The following TENM4 variants were observed in gnomAD, a reference collection of about 807,000 sequenced individuals.
The protein encoded by TENM4 is teneurin transmembrane protein 4, also known as teneurin-4.
In TENM4, 82 loss-of-function variants were observed where a neutral mutation model predicts 243.3. The ratio of observed to expected loss-of-function variants is 0.34; its 90% CI spans 0.28 to 0.40. TENM4 has a LOEUF of 0.40. Ranked by LOEUF, TENM4 falls within the 10% of genes least tolerant of loss-of-function variation. The pLI is 1.00. For synonymous variants in TENM4, 1,412 were observed against 1,456.3 expected (o/e 0.97, Z 0.69); for missense variants, 3,138 against 3,673.3 (o/e 0.85, Z 3.77).
chr11:78,716,651 T>G (rs1859527403), intron 25 of TENM4, among the ~76,000 whole-genome samples: 1 of 152,210 alleles, frequency 6.6e-6, no homozygotes. Context: ...CTACCCATAA[T>G]GATTGAAGGG....
intron 2 of TENM4, among the ~76,000 whole-genome samples, chr11:79,239,408 C>G (rs1448413161): frequency 6.6e-6 from 1 of 152,160 alleles, no homozygotes; most frequent in South Asian, 2.1e-4. Context: ...ATTTAATCTT[C>G]CCAAGTATCT....
chr11:78,913,564 T>C (rs930109863), intron 6 of TENM4, among the ~76,000 whole-genome samples: 3 of 149,284 alleles, frequency 2.0e-5, no homozygotes, highest in African/African-American at 4.9e-5. Flanking sequence ...CAAGGAACCA[T>C]AGTTGATGGG....
chr11:78,880,928 G>T (rs1380233690), intron 9 of TENM4, among the ~76,000 whole-genome samples: 4 of 152,092 alleles, frequency 2.6e-5, no homozygotes, highest in African/African-American at 7.2e-5. Context: ...GACTTCAAAG[G>T]GGCATGAGGG....
intron 1 of TENM4, among the ~76,000 whole-genome samples, chr11:79,373,564 A>G (rs1026342679): frequency 7.2e-5 from 11 of 152,196 alleles, no homozygotes; most frequent in African/African-American, 2.2e-4. Context: ...CATTTCAAAG[A>G]GAAGGTGAGA....
chr11:79,055,624 C>T (rs1297822609), intron 6 of TENM4, among the ~76,000 whole-genome samples: 1 of 152,156 alleles, frequency 6.6e-6, no homozygotes, highest in Non-Finnish European at 1.5e-5. Context: ...AAAACACTGT[C>T]CTGCTCTTTC....
chr11:78,914,298 G>T (rs1193999281), intron 6 of TENM4, among the ~76,000 whole-genome samples: 2 of 152,114 alleles, frequency 1.3e-5, no homozygotes, highest in Non-Finnish European at 2.9e-5. Flanking sequence ...GGAATTTCTT[G>T]GAAAGAAGGA....
At chr11:78,707,013 T>A (rs1024461045) in intron 27 of TENM4, among the ~76,000 whole-genome samples, 1 of 152,068 alleles carries the variant, frequency 6.6e-6, no homozygotes, top group African/African-American at 2.4e-5. Flanking sequence ...GGAGGTGACA[T>A]GAGTGCTGGG....
At chr11:79,295,443 G>A (rs1428078292) in intron 2 of TENM4, among the ~76,000 whole-genome samples, 9 of 152,138 alleles carry the variant, frequency 5.9e-5, no homozygotes, top group Non-Finnish European at 1.0e-4. Context: ...AGTGACCCCC[G>A]CCCCGGGAAA....
At chr11:79,319,082 A>G (rs997336490) in intron 1 of TENM4, among the ~76,000 whole-genome samples, 2 of 152,224 alleles carry the variant, frequency 1.3e-5, no homozygotes, top group Non-Finnish European at 2.9e-5. Context: ...AGGCCCCATA[A>G]GGCAGATTGG....
intron 8 of TENM4, 67 bp downstream of exon 8, chr11:78,891,171 G>T: frequency 7.0e-7 from 1 of 1,428,890 alleles, no homozygotes. Context: ...AGGTCTCAGG[G>T]TCTGCATGCA....
chr11:79,420,800 C>G lies in TENM4; in HGVS notation c.-321+19709G>C, dbSNP rs559353230. Among the ~76,000 whole-genome samples the G allele has an allele frequency of 2.6e-5, 4 of 152,274 alleles. No individual in the cohort carries two copies. The South Asian group carries it at 6.2e-4, about 24-fold the overall frequency. ...GGAAAAAATATTTGAAACCTAGTCC[C>G]TGGAGCTGGGATGGGACAGAGGTAG... On this transcript the variant is annotated intron_variant, in intron 1 of 33. Coordinates refer to ENST00000278550, the MANE Select transcript of TENM4 (RefSeq NM_001098816.3).
chr11:78,856,053 G>T lies in TENM4; in HGVS notation c.1381C>A (p.Pro461Thr), dbSNP rs1384042670. 4 of 1,551,616 alleles carry T rather than the reference G, an allele frequency of 2.6e-6. No individual in the cohort carries two copies. In the African/African-American group the frequency reaches 4.1e-5, roughly 16 times the overall value. Residue 461 changes from proline to threonine, a missense_variant, in exon 11 of 34, where the codon CCT becomes ACT. Pro to Thr is a conservative substitution (Grantham distance 38). Transcript: ENST00000278550. ...GACACATTGAATTTCAGATGCACAGGATGGTCTATGAACACTTGAGATCTC... is the reference window on the plus strand; with the variant it reads ...GACACATTGAATTTCAGATGCACAGTATGGTCTATGAACACTTGAGATCTC... Reference protein sequence around the residue: ...FWRSQVFIDHPVHLKFNVSLG... With the variant: ...FWRSQVFIDHTVHLKFNVSLG...
At chr11:79,138,914 TATATTACATTTCC>T in intron 4 of TENM4, among the ~76,000 whole-genome samples, 2 of 106,394 alleles carry the variant, frequency 1.9e-5, no homozygotes, top group Non-Finnish European at 3.5e-5. Flanking sequence ...TCTATAAATA[TATATTACATTTCC>T]ATAAATATAT....
intron 6 of TENM4, among the ~76,000 whole-genome samples, chr11:78,974,585 G>T (rs1286694907): frequency 6.6e-6 from 1 of 152,196 alleles, no homozygotes; most frequent in Non-Finnish European, 1.5e-5. Flanking sequence ...GTCCTGTGCA[G>T]AGTAAATGCA....
At chr11:78,728,684 G>A (rs980593194) in intron 22 of TENM4, among the ~76,000 whole-genome samples, 7 of 152,138 alleles carry the variant, frequency 4.6e-5, no homozygotes, top group Admixed American at 4.6e-4. Context: ...GGTTCAAGAC[G>A]AGAAGGGATT....
rs1862822903 is a variant in TENM4, at chr11:79,163,933, ATATATATCTATATAGTAC to A, written c.-162-15145_-162-15128del. ...ATATAGGTATATATCCATATATATC[ATATATATCTATATAGTAC>A]TATATATCTATATATCTATATATAG... On this transcript the variant is annotated intron_variant, in intron 3 of 33. Coordinates refer to ENST00000278550, the MANE Select transcript of TENM4 (RefSeq NM_001098816.3). 3.5e-5 allele frequency among the ~76,000 whole-genome samples: 5 copies of A among 141,428 alleles called. No homozygotes were observed. The South Asian group carries it at 1.1e-3, about 31-fold the overall frequency. The allele number at this position is 141,428 out of a possible 152,430, so 92.8% of individuals were successfully genotyped here.
intron 1 of TENM4, among the ~76,000 whole-genome samples, chr11:79,370,143 AG>A (rs945923822): frequency 6.6e-6 from 1 of 152,234 alleles, no homozygotes; most frequent in Non-Finnish European, 1.5e-5. Flanking sequence ...CAGGAAGCAA[AG>A]CCCAGCCAAG....
chr11:79,082,443 A>G (rs1860699690), intron 4 of TENM4, among the ~76,000 whole-genome samples: 2 of 152,162 alleles, frequency 1.3e-5, no homozygotes, highest in South Asian at 4.1e-4. Flanking sequence ...CAGCAAGTGA[A>G]AAGCCAGAAG....
chr11:78,772,060 T>C (rs1168285003), intron 17 of TENM4, among the ~76,000 whole-genome samples: 8 of 152,164 alleles, frequency 5.3e-5, no homozygotes, highest in Non-Finnish European at 4.4e-5. Flanking sequence ...CAAAATATGG[T>C]GGGAACTTAA....
Sources: allele counts gnomAD v4.1 joint callset (sites outside exome capture counted in the v4.1 genomes callset), GRCh38; gene constraint gnomAD v4.1.1; transcripts MANE v1.5; gene names NCBI Gene and HGNC (gene_info 2026-07-23, HGNC 2026-07-21).